RPF1: variants seen among roughly 807,000 people sequenced by gnomAD.
The protein encoded by RPF1 is ribosome production factor 1.
In RPF1, 34 loss-of-function variants were observed where a neutral mutation model predicts 41.9. The ratio of observed to expected loss-of-function variants is 0.81; its 90% CI spans 0.62 to 1.08. RPF1 has a LOEUF of 1.08. Ranked by LOEUF, RPF1 falls within the 50% of genes least tolerant of loss-of-function variation. The pLI is 0.00. For synonymous variants in RPF1, 140 were observed against 148.9 expected (o/e 0.94, Z 0.43); for missense variants, 425 against 435.2 (o/e 0.98, Z 0.21).
intron 5 of RPF1, among the ~76,000 whole-genome samples, chr1:84,491,103 A>G (rs1681827698): frequency 6.6e-6 from 1 of 152,170 alleles, no homozygotes; most frequent in Admixed American, 6.5e-5. Flanking sequence ...GTTCCAGTCT[A>G]AAACTTTTTC....
chr1:84,479,732 A>G (rs75232721), intron 1 of RPF1, among the ~76,000 whole-genome samples: 67 of 152,310 alleles, frequency 4.4e-4, no homozygotes, highest in African/African-American at 1.6e-3. Flanking sequence ...TTATCTTGAT[A>G]GGCTCTTTCC....
Position 84,483,318 on chromosome 1 carries a change from G to T in RPF1, c.366+323G>T, listed in dbSNP as rs1318065392. On this transcript the variant is annotated intron_variant, in intron 3 of 8. Coordinates refer to ENST00000370654, the MANE Select transcript of RPF1 (RefSeq NM_025065.7). ...GTCTTGCTCTGTCGCCCATGCTGGA[G>T]TGCAGTGGTGTGATCTCGGCTCACT... The T allele has an allele frequency of 1.6e-5, 4 of 244,164 alleles. No individual in the cohort carries two copies. The East Asian group carries it at 4.0e-4, about 25-fold the overall frequency. 15.1% of individuals were successfully genotyped at this position (244,164 alleles called of 1,614,324 possible).
intron 1 of RPF1, among the ~76,000 whole-genome samples, chr1:84,480,216 G>A (rs1222101077): frequency 6.6e-6 from 1 of 152,116 alleles, no homozygotes; most frequent in African/African-American, 2.4e-5. Context: ...CAGTGTCAAG[G>A]TGCTGTTTCA....
chr1:84,495,983 T>A lies in RPF1; in HGVS notation c.801T>A (p.Phe267Leu), dbSNP rs1681928014. The A allele has an allele frequency of 1.2e-6, 2 of 1,610,246 alleles. No individual in the cohort carries two copies. Among genetic ancestry groups the A allele is most frequent in the Non-Finnish European group, 1.7e-6 (2 of 1,176,600 alleles). ...HSIGRMFASL[F>L]PHNPQFIGRQ... is the part of the protein sequence containing the mutation. ...TTGGACGTATGTTTGCATCTCTCTT[T>A]CCTCATAATCCTCAATTTATCGGAA... Residue 267 changes from phenylalanine (F) to leucine (L), a missense_variant, in exon 7 of 9, where the codon TTT becomes TTA. Physicochemically the swap from Phe to Leu is conservative, Grantham distance 22 (BLOSUM62 0). Transcript: ENST00000370654.
At chr1:84,495,479 T>C in intron 6 of RPF1, 24 bp downstream of exon 6, 2 of 961,186 alleles carry the variant, frequency 2.1e-6, no homozygotes, top group South Asian at 1.4e-5. Context: ...ATTTCTTTGA[T>C]TGGCATTGAT....
intron 3 of RPF1, among the ~76,000 whole-genome samples, chr1:84,488,570 G>C (rs1435699317): frequency 6.6e-6 from 1 of 151,954 alleles, no homozygotes; most frequent in African/African-American, 2.4e-5. Context: ...GTGCCTTCTA[G>C]AACTTCTAGC....
At chr1:84,487,440 C>G (rs1681756034) in intron 3 of RPF1, among the ~76,000 whole-genome samples, 1 of 152,030 alleles carries the variant, frequency 6.6e-6, no homozygotes, top group Non-Finnish European at 1.5e-5. Context: ...GTCTTTTGCC[C>G]AGTTTTCTAT....
At chr1:84,483,164 A>G (rs78388041) in intron 3 of RPF1, 169 bp downstream of exon 3, 165 of 508,748 alleles carry the variant, frequency 3.2e-4, no homozygotes, top group African/African-American at 3.1e-3. Flanking sequence ...TCATAATTGA[A>G]TTTCCCAATA....
At chr1:84,494,806 T>G (rs535029746) in intron 5 of RPF1, among the ~76,000 whole-genome samples, 1 of 152,206 alleles carries the variant, frequency 6.6e-6, no homozygotes, top group Non-Finnish European at 1.5e-5. Context: ...GTTTGTTGAT[T>G]ATAATTTGGG....
At chr1:84,483,169 C>A in intron 3 of RPF1, 174 bp downstream of exon 3, 1 of 505,672 alleles carries the variant, frequency 2.0e-6, no homozygotes, top group African/African-American at 1.9e-5. Flanking sequence ...ATTGAATTTC[C>A]CAATAATGCT....
intron 8 of RPF1, among the ~76,000 whole-genome samples, chr1:84,496,631 T>C (rs1366716943): frequency 6.6e-6 from 1 of 150,480 alleles, no homozygotes; most frequent in Non-Finnish European, 1.5e-5. Flanking sequence ...ATCTGAAGTA[T>C]AAACATTAGT....
At chr1:84,486,575 G>A (rs1427830831) in intron 3 of RPF1, among the ~76,000 whole-genome samples, 6 of 127,140 alleles carry the variant, frequency 4.7e-5, no homozygotes, top group East Asian at 2.2e-4. Flanking sequence ...GCGACAGAGC[G>A]AGACTCCGTC....
chr1:84,484,099 G>A (rs1472282414), intron 3 of RPF1, among the ~76,000 whole-genome samples: 3 of 152,190 alleles, frequency 2.0e-5, no homozygotes, highest in African/African-American at 7.2e-5. Flanking sequence ...AGGAAAATAG[G>A]ATAAAGGAGA....
intron 3 of RPF1, among the ~76,000 whole-genome samples, chr1:84,487,162 C>T (rs537403891): frequency 6.6e-6 from 1 of 152,214 alleles, no homozygotes; most frequent in African/African-American, 2.4e-5. Context: ...TGTTTACCTA[C>T]AGTAGGATAA....
chr1:84,487,813 C>CAT (rs1269476391), intron 3 of RPF1, among the ~76,000 whole-genome samples: 1 of 151,958 alleles, frequency 6.6e-6, no homozygotes, highest in Non-Finnish European at 1.5e-5. Flanking sequence ...TGTCCTTTTG[C>CAT]ATATATATAT....
chr1:84,489,545 T>TC (rs1681794778), intron 3 of RPF1, 88 bp from the exon 4 acceptor site: 2 of 739,600 alleles, frequency 2.7e-6, no homozygotes, highest in Admixed American at 2.0e-5. Context: ...ATACTCAGTG[T>TC]CCAACAGTCC....
At chr1:84,485,952 G>C (rs1028432778) in intron 3 of RPF1, among the ~76,000 whole-genome samples, 1 of 152,054 alleles carries the variant, frequency 6.6e-6, no homozygotes, top group East Asian at 1.9e-4. Flanking sequence ...TGTCTACTGG[G>C]TAGTGATTTT....
intron 3 of RPF1, among the ~76,000 whole-genome samples, chr1:84,488,994 C>T (rs998645134): frequency 2.0e-5 from 3 of 151,946 alleles, no homozygotes; most frequent in Non-Finnish European, 2.9e-5. Context: ...TATCTATTCT[C>T]TTAGTCTTTT....
intron 3 of RPF1, among the ~76,000 whole-genome samples, chr1:84,485,398 G>C (rs75510600): frequency 6.6e-6 from 1 of 152,158 alleles, no homozygotes; most frequent in Admixed American, 6.5e-5. Flanking sequence ...CCCACCTGGC[G>C]TAAAGGTAAC....
Sources: gnomAD v4.1 joint callset for allele counts (sites outside exome capture counted in the v4.1 genomes callset) on GRCh38, gnomAD v4.1.1 for gene constraint, MANE v1.5 for transcripts, NCBI Gene and HGNC (gene_info 2026-07-23, HGNC 2026-07-21) for gene names.